HJV: variants seen among roughly 807,000 people sequenced by gnomAD.
The protein encoded by HJV is hemojuvelin BMP co-receptor, also known as hemojuvelin.
HJV carries 18 observed loss-of-function variants against 22.7 expected under a neutral mutation model. That is an observed-to-expected ratio of 0.79 (90% CI 0.55 to 1.18). HJV has a LOEUF of 1.18. Among genes scored for constraint, HJV ranks in the 50% most tolerant of loss-of-function variants. The probability of loss-of-function intolerance (pLI) is 0.00; values close to 1 mark genes in which losing one functional copy is unlikely to be tolerated. For missense variants in HJV, 572 were observed against 553.0 expected (o/e 1.03, Z -0.34); for synonymous variants, 229 against 222.7 (o/e 1.03, Z -0.25).
In HJV at chr1:146,018,258, A is replaced by G. The variant is rs1043321087; in HGVS notation, c.1100T>C (p.Ile367Thr). 1.2e-6 allele frequency: 2 copies of G among 1,614,084 alleles called. No homozygotes were observed. Among genetic ancestry groups the G allele is most frequent in the African/African-American group, 2.7e-5 (2 of 74,928 alleles). ...CACGGTAAAGTTGGGATCACCAGAA[A>G]TTAAAACATCAAAGACACAGGAATG... ...YFHSCVFDVL[I>T]SGDPNFTVAA... is the part of the protein sequence containing the mutation. Residue 367 changes from isoleucine (I) to threonine (T), a missense_variant, in exon 4 of 4, where the codon ATT becomes ACT. Ile to Thr is a moderately conservative substitution (Grantham distance 89). Transcript: ENST00000336751.
intron 2 of HJV, 118 bp from the exon 3 acceptor site, chr1:146,019,852 A>T: frequency 6.6e-7 from 1 of 1,520,238 alleles, no homozygotes; most frequent in Non-Finnish European, 9.0e-7. Flanking sequence ...CTAAAACCTA[A>T]CTAAGGGCCT....
In HJV at chr1:146,020,423, C is replaced by T. The variant is rs932462954; in HGVS notation, c.-89-103G>A. On this transcript the variant is annotated intron_variant, in intron 1 of 3. Coordinates refer to ENST00000336751, the MANE Select transcript of HJV (RefSeq NM_213653.4). ...GGAGATCAAGAAAAGGATGAACAGA[C>T]TGGAATTTGGGGAGATTGGAGTTCC... The T allele has an allele frequency of 1.2e-5, 7 of 572,370 alleles. No homozygotes were observed. The African/African-American group carries it at 1.3e-4, about 11-fold the overall frequency. 35.5% of individuals were successfully genotyped at this position (572,370 alleles called of 1,614,324 possible). A position where few individuals can be genotyped will look rare whatever the true frequency, so the allele number is the denominator to read the frequency against.
chr1:146,019,787 C>G (rs890786141), intron 2 of HJV, 53 bp from the exon 3 acceptor site: 1 of 1,613,360 alleles, frequency 6.2e-7, no homozygotes, highest in South Asian at 1.1e-5. Context: ...TCTGCTCTAT[C>G]GGAGTGTAGT....
In HJV at chr1:146,020,233, C is replaced by T; in HGVS notation, c.-2G>A. On this transcript the variant is annotated 5_prime_UTR_variant, in exon 2 of 4. Coordinates refer to ENST00000336751, the MANE Select transcript of HJV (RefSeq NM_213653.4). Reference sequence around the variant, plus strand: ...AGGGGACTGGCCTGGCTCCCCCATACCTATCCAGCCAGGTTTCCCAGGCGC... The same window carrying T: ...AGGGGACTGGCCTGGCTCCCCCATATCTATCCAGCCAGGTTTCCCAGGCGC... 1 of 1,603,358 alleles carries T rather than the reference C, an allele frequency of 6.2e-7. No individual in the cohort carries two copies. Among genetic ancestry groups the T allele is most frequent in the Middle Eastern group, 1.7e-4 (1 of 6,044 alleles).
chr1:146,018,770 ATAGT>A (rs1357891828), intron 3 of HJV, 70 bp from the exon 4 acceptor site: 77 of 1,480,316 alleles, frequency 5.2e-5, no homozygotes, highest in Admixed American at 2.7e-4. Context: ...GACCTCATAC[ATAGT>A]TAGAGATCTG....
At chr1:146,018,919 T>G (rs1482656893) in intron 3 of HJV, among the ~76,000 whole-genome samples, 2 of 152,194 alleles carry the variant, frequency 1.3e-5, no homozygotes, top group East Asian at 3.8e-4. Flanking sequence ...AGGGAAAAGT[T>G]TCCCTTCTGA....
rs1571045354 is a variant in HJV at position 146,019,404 on chromosome 1, G to A, written c.428C>T (p.Pro143Leu). The A allele has an allele frequency of 6.2e-6, 10 of 1,613,024 alleles. No homozygotes were observed. The highest frequency in any genetic ancestry group is 1.7e-5 in the Admixed American group (1 of 59,936). Residue 143 changes from proline to leucine, a missense_variant, in exon 3 of 4, where the codon CCT (proline) becomes CTT (leucine). By Grantham distance (98) the Pro-to-Leu change is moderately conservative (BLOSUM62 -3). Coordinates refer to ENST00000336751, the MANE Select transcript of HJV (RefSeq NM_213653.4). ...TTCATAGTCACAAGGGTCCGGGGCA[G>A]GGAGGCCGGAGCCCGCGCCTGGAAG... ...PALPGAGSGL[P>L]APDPCDYEGR...
Position 146,020,333 on chromosome 1 carries a change from A to G in HJV, c.-89-13T>C, listed in dbSNP as rs1324727611. The G allele has an allele frequency of 2.5e-6, 2 of 791,106 alleles. No homozygotes were observed. The highest frequency in any genetic ancestry group is 3.4e-5 in the African/African-American group (2 of 59,160). 49.0% of individuals were successfully genotyped at this position (791,106 alleles called of 1,614,324 possible). A position where few individuals can be genotyped will look rare whatever the true frequency, so the allele number is the denominator to read the frequency against. ...GCCCTGTAAGTGACTGAAAAAAGAAATTTGGCTGGACATGGAGAGAGAGAA... is the reference window on the plus strand; with the variant it reads ...GCCCTGTAAGTGACTGAAAAAAGAAGTTTGGCTGGACATGGAGAGAGAGAA... On this transcript the variant is annotated splice_polypyrimidine_tract_variant and intron_variant, in intron 1 of 3. Coordinates refer to ENST00000336751, the MANE Select transcript of HJV (RefSeq NM_213653.4).
At chr1:146,020,536 G>A (rs1055347030) in intron 1 of HJV, among the ~76,000 whole-genome samples, 1 of 152,120 alleles carries the variant, frequency 6.6e-6, no homozygotes, top group Non-Finnish European at 1.5e-5. Context: ...AGGTGGGGGT[G>A]GAGGGAAGGT....
At position 146,018,419 on chromosome 1, in the gene HJV, G is replaced by T; in HGVS notation, c.939C>A (p.Asp313Glu). The T allele has an allele frequency of 6.2e-7, 1 of 1,614,158 alleles. No homozygotes were observed. Among genetic ancestry groups the T allele is most frequent in the Non-Finnish European group, 8.5e-7 (1 of 1,180,038 alleles). ...DVAMAFSAEQ[D>E]LQLCVGGCPP... The stretch of plus-strand genomic sequence containing the variant: ...GGCACCCCCCAACACAGAGCTGCAG[G>T]TCCTGTTCAGCTGAGAAGGCCATGG... The change falls in exon 4 of 4, where the codon GAC becomes GAA. Residue 313 changes from aspartate (D) to glutamate (E), a missense_variant. Coordinates refer to ENST00000336751, the MANE Select transcript of HJV (RefSeq NM_213653.4).
At position 146,019,558 on chromosome 1, in the gene HJV, G is replaced by T. The variant is rs1335525234; in HGVS notation, c.274C>A (p.Arg92Ser). ...ALRSYALCTR[R>S]TARTCRGDLA... The stretch of plus-strand genomic sequence containing the variant: ...TCCCCGCGGCAGGTGCGGGCGGTGC[G>T]CCGAGTGCAGAGCGCATAGGAGCGG... The change falls in exon 3 of 4, where the codon CGC becomes AGC. Residue 92 changes from arginine (R) to serine (S), a missense_variant. Coordinates refer to ENST00000336751, the MANE Select transcript of HJV (RefSeq NM_213653.4). 1.2e-6 allele frequency: 2 copies of T among 1,612,868 alleles called. No individual in the cohort carries two copies. The highest frequency in any genetic ancestry group is 1.7e-6 in the Non-Finnish European group (2 of 1,179,982).
chr1:146,018,399 C>G lies in HJV; in HGVS notation c.959G>C (p.Gly320Ala). 1 of 1,614,122 alleles carries G rather than the reference C, an allele frequency of 6.2e-7. No individual in the cohort carries two copies. Among genetic ancestry groups the G allele is most frequent in the Non-Finnish European group, 8.5e-7 (1 of 1,180,032 alleles). The part of the protein sequence containing the change: ...AEQDLQLCVG[G>A]CPPSQRLSRS... ...AGAGAGTCGCTGACTTGGAGGGCACCCCCCAACACAGAGCTGCAGGTCCTG... is the reference window on the plus strand; with the variant it reads ...AGAGAGTCGCTGACTTGGAGGGCACGCCCCAACACAGAGCTGCAGGTCCTG... The change falls in exon 4 of 4, where the codon GGG becomes GCG. Residue 320 changes from glycine (G) to alanine (A), a missense_variant. Gly to Ala is a moderately conservative substitution (Grantham distance 60, BLOSUM62 0). Coordinates refer to ENST00000336751, the MANE Select transcript of HJV (RefSeq NM_213653.4).
At chr1:146,020,372 G>T in intron 1 of HJV, 52 bp from the exon 2 acceptor site, 1 of 701,434 alleles carries the variant, frequency 1.4e-6, no homozygotes, top group East Asian at 2.6e-5. Flanking sequence ...TTGAAGATTG[G>T]TAAGGATAAT....
chr1:146,020,914 G>A (rs369100766), intron 1 of HJV, among the ~76,000 whole-genome samples: 13 of 152,176 alleles, frequency 8.5e-5, no homozygotes, highest in African/African-American at 2.7e-4. Flanking sequence ...GGAATAATGG[G>A]ATGCAAACCA....
In HJV at chr1:146,018,445, C is replaced by A; in HGVS notation, c.913G>T (p.Ala305Ser). The A allele has an allele frequency of 6.2e-7, 1 of 1,614,150 alleles. No individual in the cohort carries two copies. The highest frequency in any genetic ancestry group is 8.5e-7 in the Non-Finnish European group (1 of 1,180,040). Residue 305 changes from alanine to serine, a missense_variant, in exon 4 of 4, where the codon GCC (alanine) becomes TCC (serine). Coordinates refer to ENST00000336751, the MANE Select transcript of HJV (RefSeq NM_213653.4). ...TCCTGTTCAGCTGAGAAGGCCATGG[C>A]CACATCCTCTGCTACCTTGATGGAG... ...SFSIKVAEDV[A>S]MAFSAEQDLQ...
chr1:146,018,320 C>T lies in HJV; in HGVS notation c.1038G>A (p.Leu346=). Reference sequence around the variant, plus strand: ...CTTCCACTGGAAGCCCTTCCTTGCACAGCCGTCTGGCAGTATCAATGGTTA... The same window carrying T: ...CTTCCACTGGAAGCCCTTCCTTGCATAGCCGTCTGGCAGTATCAATGGTTA... ...GAITIDTARR[L]CKEGLPVEDA... Residue 346 remains leucine, a synonymous_variant, in exon 4 of 4, where the codon CTG becomes CTA. Transcript: ENST00000336751. 6.2e-7 allele frequency: 1 copy of T among 1,614,192 alleles called. No homozygotes were observed. The highest frequency in any genetic ancestry group is 8.5e-7 in the Non-Finnish European group (1 of 1,180,038).
In HJV at chr1:146,018,244, T is replaced by C. The variant is rs782156457; in HGVS notation, c.1114A>G (p.Asn372Asp). 29 of 1,614,064 alleles carry C rather than the reference T, an allele frequency of 1.8e-5. No individual in the cohort carries two copies. The highest frequency in any genetic ancestry group is 2.5e-5 in the Non-Finnish European group (29 of 1,180,036). Residue 372 changes from asparagine (N) to aspartate (D), a missense_variant, in exon 4 of 4, where the codon AAC becomes GAC. By Grantham distance (23) the Asn-to-Asp change is conservative (BLOSUM62 1). Coordinates refer to ENST00000336751, the MANE Select transcript of HJV (RefSeq NM_213653.4). ...GCTGCCTGAGCTGCCACGGTAAAGTTGGGATCACCAGAAATTAAAACATCA... is the reference window on the plus strand; with the variant it reads ...GCTGCCTGAGCTGCCACGGTAAAGTCGGGATCACCAGAAATTAAAACATCA... ...VFDVLISGDPNFTVAAQAALE... is the reference protein window; with the variant it reads ...VFDVLISGDPDFTVAAQAALE...
At position 146,017,632 on chromosome 1, in the gene HJV, A is replaced by C. The variant is rs587753035; in HGVS notation, c.*445T>G. 15 of 221,650 alleles carry C rather than the reference A, an allele frequency of 6.8e-5. No homozygotes were observed. 13.7% of individuals were successfully genotyped at this position (221,650 alleles called of 1,614,324 possible). On this transcript the variant is annotated 3_prime_UTR_variant, in exon 4 of 4. Transcript: ENST00000336751. ...CAAGAAAGCAGAACATACCTTACAC[A>C]CACATATTCATCAAATAGACTTCTT...
At chr1:146,019,986 G>T in intron 2 of HJV, 149 bp downstream of exon 2, 1 of 795,742 alleles carries the variant, frequency 1.3e-6, no homozygotes. Flanking sequence ...CAGACTGAAC[G>T]GGAAATAAAA....
Sources: gnomAD v4.1 joint callset for allele counts (sites outside exome capture counted in the v4.1 genomes callset) on GRCh38, gnomAD v4.1.1 for gene constraint, MANE v1.5 for transcripts, NCBI Gene and HGNC (gene_info 2026-07-23, HGNC 2026-07-21) for gene names.